The following CEACAM19 variants were observed in gnomAD, a reference collection of about 807,000 sequenced individuals.
CEACAM19 encodes cell adhesion molecule CEACAM19.
Under a neutral mutation model 37.6 loss-of-function variants are expected in CEACAM19, and 37 were observed. The observed-to-expected ratio is 0.98, with a 90% CI of 0.76 to 1.29. The LOEUF is 1.29. CEACAM19 is among the 50% of genes most tolerant of loss of function. The probability of loss-of-function intolerance (pLI) is 0.00; values close to 1 mark genes in which losing one functional copy is unlikely to be tolerated. For synonymous variants in CEACAM19, 140 were observed against 149.8 expected (o/e 0.93, Z 0.48); for missense variants, 340 against 375.6 (o/e 0.91, Z 0.78).
upstream of CEACAM19, among the ~76,000 whole-genome samples, chr19:44,668,314 T>A (rs1486784887): frequency 1.4e-5 from 1 of 70,116 alleles, no homozygotes; most frequent in Admixed American, 2.6e-4. Flanking sequence ...GTTTATATAT[T>A]ATTATATTTA....
At chr19:44,675,793 GA>G (rs58182330) in intron 2 of CEACAM19, among the ~76,000 whole-genome samples, 13,501 of 142,936 alleles carry the variant, frequency 0.094, 1,523 homozygotes, top group African/African-American at 0.28. Context: ...TTCAAAAAAA[GA>G]AAAAAAAAAA....
chr19:44,680,923 A>G (rs954376641), intron 5 of CEACAM19, among the ~76,000 whole-genome samples: 8 of 151,846 alleles, frequency 5.3e-5, no homozygotes, highest in African/African-American at 1.9e-4. Flanking sequence ...GCCCTCACTG[A>G]GTCCTAGGCT....
intron 5 of CEACAM19, among the ~76,000 whole-genome samples, chr19:44,680,721 C>T (rs1055709557): frequency 3.9e-5 from 6 of 152,176 alleles, no homozygotes; most frequent in African/African-American, 1.2e-4. Context: ...CTCAAAGGCC[C>T]TCCATGGCTC....
upstream of CEACAM19, among the ~76,000 whole-genome samples, chr19:44,667,752 A>G (rs1215720883): frequency 1.3e-5 from 1 of 76,900 alleles, no homozygotes; most frequent in Non-Finnish European, 2.2e-5. Context: ...TATATAAATT[A>G]TATAAATTAT....
At chr19:44,672,171 C>T (rs1012350318) in intron 1 of CEACAM19, among the ~76,000 whole-genome samples, 185 bp downstream of exon 1, 6 of 152,088 alleles carry the variant, frequency 3.9e-5, no homozygotes, top group African/African-American at 1.2e-4. Flanking sequence ...AATGTTAGGA[C>T]CATGAAGGCA....
At chr19:44,673,635 C>G (rs551146660) in intron 2 of CEACAM19, 1 of 152,140 alleles carries the variant, frequency 6.6e-6, no homozygotes, top group African/African-American at 2.4e-5. Flanking sequence ...TGGTTGAGAA[C>G]CATTACTCTA....
chr19:44,683,365 G>A, intron 7 of CEACAM19, 72 bp from the exon 8 acceptor site: 1 of 639,738 alleles, frequency 1.6e-6, no homozygotes, highest in South Asian at 1.9e-5. Flanking sequence ...CTCATCCTCT[G>A]TCCCTCTCTG....
At chr19:44,674,120 C>G (rs1973904497) in intron 2 of CEACAM19, among the ~76,000 whole-genome samples, 1 of 151,876 alleles carries the variant, frequency 6.6e-6, no homozygotes. Flanking sequence ...GTGGTAGATG[C>G]CTGTAATGCC....
intron 6 of CEACAM19, 68 bp from the exon 7 acceptor site, chr19:44,682,499 C>G: frequency 6.8e-7 from 1 of 1,477,578 alleles, no homozygotes; most frequent in Non-Finnish European, 9.3e-7. Context: ...ACTGTCCTAG[C>G]ACCAAAGGTC....
upstream of CEACAM19, among the ~76,000 whole-genome samples, chr19:44,670,908 C>T (rs1413810495): frequency 6.6e-6 from 1 of 151,378 alleles, no homozygotes. Context: ...CCAGCCTGAC[C>T]AACATGGAGA....
upstream of CEACAM19, chr19:44,667,212 C>T (rs1426510527): frequency 6.6e-6 from 1 of 151,716 alleles, no homozygotes; most frequent in Non-Finnish European, 1.5e-5. Context: ...GTCCGGAACA[C>T]TCAGACACAC....
Position 44,683,572 on chromosome 19 carries a change from A to G in CEACAM19, c.*82A>G, listed in dbSNP as rs1196412905. The stretch of plus-strand genomic sequence containing the variant: ...GCCTCACACCTGAGACCAGCAGGAC[A>G]AGGCCATTGGGGGCTGTGGGGCCGA... On this transcript the variant is annotated 3_prime_UTR_variant, in exon 8 of 8. Transcript: ENST00000358777. 4.5e-6 allele frequency: 4 copies of G among 891,728 alleles called. No individual in the cohort carries two copies. The highest frequency in any genetic ancestry group is 1.7e-5 in the African/African-American group (1 of 58,960). The allele number at this position is 891,728 out of a possible 1,614,324, so 55.2% of individuals were successfully genotyped here.
chr19:44,678,779 G>A (rs1240452452), intron 3 of CEACAM19, 74 bp from the exon 4 acceptor site: 1 of 1,564,872 alleles, frequency 6.4e-7, no homozygotes, highest in African/African-American at 1.4e-5. Flanking sequence ...TCCTTCATAG[G>A]GAAGGATGTT....
upstream of CEACAM19, among the ~76,000 whole-genome samples, chr19:44,670,253 T>C (rs1973831396): frequency 6.7e-6 from 1 of 149,618 alleles, no homozygotes; most frequent in African/African-American, 2.5e-5. Context: ...AGCCCAGGAG[T>C]TGGAGGCTGC....
At chr19:44,678,724 T>A in intron 3 of CEACAM19, 129 bp from the exon 4 acceptor site, 1 of 1,348,448 alleles carries the variant, frequency 7.4e-7, no homozygotes, top group Non-Finnish European at 9.9e-7. Flanking sequence ...ATTTTTTTAC[T>A]CAAAACCGCA....
upstream of CEACAM19, among the ~76,000 whole-genome samples, chr19:44,670,726 A>ACAT (rs1392918353): frequency 6.9e-6 from 1 of 145,594 alleles, no homozygotes; most frequent in African/African-American, 2.5e-5. Flanking sequence ...ACATATTTAA[A>ACAT]TGGTAAGACA....
chr19:44,679,208 G>T (rs897842033), intron 4 of CEACAM19, among the ~76,000 whole-genome samples: 1 of 152,090 alleles, frequency 6.6e-6, no homozygotes, highest in East Asian at 1.9e-4. Context: ...AGTCAGGCAG[G>T]TCTCAAACTC....
chr19:44,669,794 G>C (rs1277223163), upstream of CEACAM19, among the ~76,000 whole-genome samples: 4 of 152,106 alleles, frequency 2.6e-5, no homozygotes, highest in Admixed American at 6.6e-5. Flanking sequence ...TGAATGAGGT[G>C]TGTCTCCTTG....
chr19:44,681,625 G>C (rs1462399778), intron 6 of CEACAM19, among the ~76,000 whole-genome samples: 6 of 152,064 alleles, frequency 3.9e-5, no homozygotes, highest in Admixed American at 2.0e-4. Context: ...TATAACGAAA[G>C]GTTTATAAAA....
Sources: allele counts gnomAD v4.1 joint callset (sites outside exome capture counted in the v4.1 genomes callset), GRCh38; gene constraint gnomAD v4.1.1; transcripts MANE v1.5; gene names NCBI Gene and HGNC (gene_info 2026-07-23, HGNC 2026-07-21).